PLEKHS1: variants seen among roughly 807,000 people sequenced by gnomAD.
PLEKHS1 encodes pleckstrin homology domain containing S1, also known as pleckstrin homology domain-containing family S member 1.
A neutral mutation model predicts 51.0 loss-of-function variants in PLEKHS1; 55 were observed. That is an observed-to-expected ratio of 1.08 (90% CI 0.87 to 1.35). The LOEUF (loss-of-function observed/expected upper bound fraction) is 1.35, where lower values mean the gene tolerates loss of function less well. PLEKHS1 is among the 40% of genes most tolerant of loss of function. The pLI, the probability that PLEKHS1 is intolerant of heterozygous loss-of-function variation, is 0.00. For missense variants in PLEKHS1, 398 were observed against 423.0 expected, an observed-to-expected ratio of 0.94 and a Z score of 0.52; for synonymous variants, 153 against 144.8, an observed-to-expected ratio of 1.06 and a Z score of -0.41.
intron 1 of PLEKHS1, 70 bp downstream of exon 1, chr10:113,751,831 G>C (rs973641618): frequency 1.3e-5 from 2 of 152,188 alleles, no homozygotes; most frequent in South Asian, 2.1e-4. Flanking sequence ...TTTTGCAATT[G>C]AACAATTGCA....
intron 2 of PLEKHS1, chr10:113,765,123 A>C (rs1282364875): frequency 7.7e-6 from 3 of 391,582 alleles, no homozygotes; most frequent in Non-Finnish European, 4.6e-6. Context: ...ACTTTGATTG[A>C]CTGCCAAACA....
chr10:113,756,646 C>T (rs1167415745), intron 2 of PLEKHS1, among the ~76,000 whole-genome samples: 1 of 151,998 alleles, frequency 6.6e-6, no homozygotes, highest in Non-Finnish European at 1.5e-5. Context: ...TTGAGCTAGA[C>T]CCTATAGGAG....
intron 1 of PLEKHS1, among the ~76,000 whole-genome samples, chr10:113,753,170 C>T (rs574421715): frequency 1.5e-4 from 23 of 152,122 alleles, no homozygotes; most frequent in African/African-American, 5.3e-4. Flanking sequence ...CACATTTCTC[C>T]GATTGGATCC....
intron 7 of PLEKHS1, among the ~76,000 whole-genome samples, chr10:113,770,858 C>T (rs1593032521): frequency 6.6e-6 from 1 of 152,092 alleles, no homozygotes; most frequent in Non-Finnish European, 1.5e-5. Context: ...TAAACCAGCT[C>T]GAGTTAACAG....
chr10:113,752,514 A>C (rs150367653), intron 1 of PLEKHS1, among the ~76,000 whole-genome samples: 5 of 152,336 alleles, frequency 3.3e-5, no homozygotes, highest in Non-Finnish European at 4.4e-5. Flanking sequence ...TGTACTGAGG[A>C]GTGCTCATCA....
chr10:113,771,621 G>T (rs1320740614), intron 7 of PLEKHS1, among the ~76,000 whole-genome samples: 2 of 146,810 alleles, frequency 1.4e-5, no homozygotes, highest in Non-Finnish European at 1.5e-5. Flanking sequence ...GTTGCTGTGA[G>T]CCGAGATCGC....
chr10:113,781,452 A>G (rs1470100081), exon 12 of PLEKHS1: 5 of 69,550 alleles, frequency 7.2e-5, no homozygotes, highest in African/African-American at 3.1e-4. Flanking sequence ...CTCCTTCCCA[A>G]CACCTCCTTC....
intron 2 of PLEKHS1, among the ~76,000 whole-genome samples, chr10:113,760,681 G>A (rs1593012859): frequency 6.6e-6 from 1 of 152,194 alleles, no homozygotes; most frequent in East Asian, 1.9e-4. Flanking sequence ...GTGTTGCATT[G>A]TAAGAGTTCT....
rs1853998998 is a variant in PLEKHS1, at chr10:113,754,381, C to A, written c.-19-878C>A. 2.0e-5 allele frequency among the ~76,000 whole-genome samples: 3 copies of A among 152,216 alleles called. No homozygotes were observed. In the South Asian group the frequency reaches 6.2e-4, roughly 32 times the overall value. ...GGTTTCAAAGACCTCACTTGCCCTGCAGCCCTTCCCCTGAGGGAGTCCCTT... is the reference window on the plus strand; with the variant it reads ...GGTTTCAAAGACCTCACTTGCCCTGAAGCCCTTCCCCTGAGGGAGTCCCTT... On this transcript the variant is annotated intron_variant, in intron 1 of 11. Coordinates refer to ENST00000361048, the Ensembl canonical transcript of PLEKHS1.
chr10:113,761,775 AT>A (rs1223600232), intron 2 of PLEKHS1, among the ~76,000 whole-genome samples: 7 of 151,884 alleles, frequency 4.6e-5, no homozygotes, highest in Non-Finnish European at 7.4e-5. Context: ...TTTTGGATGC[AT>A]TTTTTAATGT....
exon 12 of PLEKHS1, chr10:113,781,029 C>G (rs1415290037): frequency 1.2e-5 from 6 of 508,644 alleles, no homozygotes; most frequent in African/African-American, 1.1e-4. Context: ...TCCCAAACAC[C>G]ACAGACACAG....
intron 1 of PLEKHS1, among the ~76,000 whole-genome samples, chr10:113,754,998 C>T (rs1016753794): frequency 6.6e-6 from 1 of 152,226 alleles, no homozygotes; most frequent in African/African-American, 2.4e-5. Flanking sequence ...AGACAAGCTC[C>T]TTCAGTCTTC....
In PLEKHS1 at chr10:113,780,576, T is replaced by A. The variant is rs1419516632; in HGVS notation, c.*-26T>A. Reference sequence around the variant, plus strand: ...ATCTTAAAGATAATCTTTAGCCATTTAACTTTCTTCTTTCTTGTGTTTTAG... The same window carrying A: ...ATCTTAAAGATAATCTTTAGCCATTAAACTTTCTTCTTTCTTGTGTTTTAG... On this transcript the variant is annotated intron_variant, in intron 11 of 11. Transcript: ENST00000361048. The A allele has an allele frequency of 5.0e-6, 8 of 1,598,998 alleles. No individual in the cohort carries two copies. In the Admixed American group the frequency reaches 1.3e-4, roughly 27 times the overall value.
intron 8 of PLEKHS1, among the ~76,000 whole-genome samples, chr10:113,773,019 G>A (rs921726742): frequency 6.6e-6 from 1 of 152,232 alleles, no homozygotes; most frequent in African/African-American, 2.4e-5. Context: ...AAGACAGAAT[G>A]GAGGGTGGGA....
exon 6 of PLEKHS1, chr10:113,768,816 G>A: frequency 1.2e-6 from 2 of 1,612,982 alleles, no homozygotes; most frequent in Admixed American, 1.7e-5. Flanking sequence ...TGTCAACAGG[G>A]AGAAGATTAA....
At chr10:113,768,792 T>C in intron 5 of PLEKHS1, 23 bp from the exon 6 acceptor site, 1 of 1,600,732 alleles carries the variant, frequency 6.2e-7, no homozygotes, top group Middle Eastern at 1.7e-4. Context: ...ACATGCCAAC[T>C]GAAAGTTTAT....
At chr10:113,767,586 AC>A in intron 5 of PLEKHS1, 107 bp downstream of exon 5, 1 of 1,073,940 alleles carries the variant, frequency 9.3e-7, no homozygotes, top group East Asian at 2.9e-5. Context: ...CACGCTACAA[AC>A]CTCAAATGCC....
At chr10:113,781,507 C>G (rs1308049887) in exon 12 of PLEKHS1, 1 of 116,324 alleles carries the variant, frequency 8.6e-6, no homozygotes, top group Non-Finnish European at 1.8e-5. Flanking sequence ...TTCCCAACAC[C>G]TCCTTCCCAA....
At chr10:113,780,618 T>C in exon 12 of PLEKHS1, 3 of 1,613,736 alleles carry the variant, frequency 1.9e-6, no homozygotes, top group South Asian at 1.1e-5. Flanking sequence ...AAGCTTACCA[T>C]CGGCAGGATC....
Sources: gnomAD v4.1 joint callset for allele counts (sites outside exome capture counted in the v4.1 genomes callset) on GRCh38, gnomAD v4.1.1 for gene constraint, MANE v1.5 for transcripts, NCBI Gene and HGNC (gene_info 2026-07-23, HGNC 2026-07-21) for gene names.